The following HECTD2 variants were observed in gnomAD, a reference collection of about 807,000 sequenced individuals.
HECTD2 encodes HECT domain E3 ubiquitin protein ligase 2, also known as probable E3 ubiquitin-protein ligase HECTD2.
In HECTD2, 35 loss-of-function variants were observed where a neutral mutation model predicts 103.2. The observed-to-expected ratio is 0.34, with a 90% confidence interval of 0.26 to 0.45. HECTD2 has a LOEUF of 0.45. Ranked by LOEUF, HECTD2 falls within the 20% of genes least tolerant of loss-of-function variation. The probability of loss-of-function intolerance (pLI) is 1.00; values close to 1 mark genes in which losing one functional copy is unlikely to be tolerated. For missense variants in HECTD2, 596 were observed against 937.4 expected, an observed-to-expected ratio of 0.64 and a Z score of 4.76; for synonymous variants, 281 against 329.9, an observed-to-expected ratio of 0.85 and a Z score of 1.61.
chr10:91,484,100 A>G lies in HECTD2; in HGVS notation c.822-407A>G, dbSNP rs1778990068. On this transcript the variant is annotated intron_variant, in intron 8 of 20. Transcript: ENST00000298068. ...GTATTGAGCTAAAACAAGGCAGAACATCACTTTGACCTCAGCTGGAAATGT... is the reference window on the plus strand; with the variant it reads ...GTATTGAGCTAAAACAAGGCAGAACGTCACTTTGACCTCAGCTGGAAATGT... The G allele has an allele frequency of 1.5e-5, 7 of 461,372 alleles. No homozygotes were observed. The South Asian group carries it at 2.3e-4, about 15-fold the overall frequency. The allele number at this position is 461,372 out of a possible 1,614,324, so 28.6% of individuals were successfully genotyped here. A position where few individuals can be genotyped will look rare whatever the true frequency, so the allele number is the denominator to read the frequency against.
At chr10:91,434,791 G>A (rs77451747) in intron 2 of HECTD2, among the ~76,000 whole-genome samples, 13 of 151,928 alleles carry the variant, frequency 8.6e-5, no homozygotes, top group South Asian at 2.1e-4. Flanking sequence ...TTCTAGCTCC[G>A]TAACATACAA....
intron 2 of HECTD2, among the ~76,000 whole-genome samples, chr10:91,429,792 G>T (rs1232227763): frequency 7.2e-5 from 11 of 151,764 alleles, no homozygotes; most frequent in Non-Finnish European, 1.2e-4. Flanking sequence ...AGTCTTGCTA[G>T]CGGTCTATCA....
At position 91,512,564 on chromosome 10, in the gene HECTD2, AC is replaced by A. The variant is rs2133398998; in HGVS notation, c.*181del. 5.2e-6 allele frequency: 3 copies of A among 576,052 alleles called. No individual in the cohort carries two copies. The South Asian group carries it at 8.9e-5, about 17-fold the overall frequency. The allele number at this position is 576,052 out of a possible 1,614,324, so 35.7% of individuals were successfully genotyped here. ...AGCAAAGGCATAATTTTCTAAAAAC[AC>A]ACACAGAAATCGCTTGAGTGAGGAA... On this transcript the variant is annotated 3_prime_UTR_variant, in exon 21 of 21. Coordinates refer to ENST00000298068, the MANE Select transcript of HECTD2 (RefSeq NM_182765.6).
chr10:91,418,203 AC>A (rs1589455903), intron 1 of HECTD2, among the ~76,000 whole-genome samples: 1 of 152,080 alleles, frequency 6.6e-6, no homozygotes, highest in African/African-American at 2.4e-5. Flanking sequence ...AAAGAACAAG[AC>A]TCTTAATTGA....
chr10:91,500,401 A>T, intron 18 of HECTD2, 101 bp from the exon 19 acceptor site: 1 of 436,252 alleles, frequency 2.3e-6, no homozygotes, highest in Non-Finnish European at 4.3e-6. Context: ...ATTTACTATG[A>T]GAAATCATGA....
intron 3 of HECTD2, among the ~76,000 whole-genome samples, chr10:91,460,863 TAA>T (rs899478862): frequency 6.6e-6 from 1 of 152,104 alleles, no homozygotes; most frequent in African/African-American, 2.4e-5. Flanking sequence ...TTTTTAGAAA[TAA>T]GAGTTCATTT....
chr10:91,440,272 GTTT>G (rs1844349916), intron 2 of HECTD2, among the ~76,000 whole-genome samples: 1 of 152,128 alleles, frequency 6.6e-6, no homozygotes, highest in African/African-American at 2.4e-5. Context: ...TTTATTGAGA[GTTT>G]TTAGCATGAA....
rs1842859842 is a variant in HECTD2, at chr10:91,410,344, A to G, written c.-95A>G. The G allele has an allele frequency of 4.2e-6, 3 of 719,812 alleles. No homozygotes were observed. The highest frequency in any genetic ancestry group is 3.7e-6 in the Non-Finnish European group (2 of 547,514). 44.6% of individuals were successfully genotyped at this position (719,812 alleles called of 1,614,324 possible). A position where few individuals can be genotyped will look rare whatever the true frequency, so the allele number is the denominator to read the frequency against. ...CAGCGGCGGCTAGAAGCGGCAGCCC[A>G]GAGCCCTCTCGCGGCCGCGGCGGCA... On this transcript the variant is annotated 5_prime_UTR_variant, in exon 1 of 21. Transcript: ENST00000298068.
At chr10:91,437,555 T>A (rs1844171540) in intron 2 of HECTD2, among the ~76,000 whole-genome samples, 1 of 150,880 alleles carries the variant, frequency 6.6e-6, no homozygotes, top group African/African-American at 2.4e-5. Context: ...GGGGGGAGTA[T>A]AAAATAATGT....
intron 11 of HECTD2, chr10:91,488,519 A>C (rs1486893967): frequency 6.6e-6 from 1 of 152,176 alleles, no homozygotes; most frequent in Non-Finnish European, 1.5e-5. Context: ...TGCTTGTGTT[A>C]CATGATTGCT....
chr10:91,415,791 T>G (rs1339938709), intron 1 of HECTD2, among the ~76,000 whole-genome samples: 1 of 152,216 alleles, frequency 6.6e-6, no homozygotes, highest in Non-Finnish European at 1.5e-5. Flanking sequence ...TTACTAGAGA[T>G]AGAACAATCA....
chr10:91,498,821 G>A (rs890274744), intron 16 of HECTD2, 51 bp from the exon 17 acceptor site: 51 of 1,107,904 alleles, frequency 4.6e-5, no homozygotes, highest in Non-Finnish European at 6.5e-5. Context: ...GTTCACCAAA[G>A]TATGTTATTA....
At chr10:91,498,658 T>G (rs904081882) in intron 16 of HECTD2, among the ~76,000 whole-genome samples, 2 of 152,218 alleles carry the variant, frequency 1.3e-5, no homozygotes, top group African/African-American at 2.4e-5. Flanking sequence ...TTAACTGTAT[T>G]AGGCAGGGTT....
intron 14 of HECTD2, 151 bp from the exon 15 acceptor site, chr10:91,496,063 T>C: frequency 2.0e-6 from 1 of 489,484 alleles, no homozygotes. Flanking sequence ...AAAGGGGAAA[T>C]AAATGAAAGA....
intron 2 of HECTD2, among the ~76,000 whole-genome samples, chr10:91,429,109 G>A (rs1012108970): frequency 3.9e-5 from 6 of 151,908 alleles, no homozygotes; most frequent in Admixed American, 2.6e-4. Flanking sequence ...TTTTGTCAAA[G>A]GCCTTTTCTG....
rs1846302895 is a variant in HECTD2 at position 91,487,414 on chromosome 10, T to C, written c.1095-268T>C. On this transcript the variant is annotated intron_variant, in intron 10 of 20. Transcript: ENST00000298068. This position sits in a 1 kb window ranked among gnomAD's most constrained non-coding sequence, Gnocchi z 4.1. Reference sequence around the variant, plus strand: ...TGATGATATACAATGAAATTATTTGTATAGACAATGTAAGTGGTTAGCACA... The same window carrying C: ...TGATGATATACAATGAAATTATTTGCATAGACAATGTAAGTGGTTAGCACA... 2.4e-6 allele frequency: 1 copy of C among 417,368 alleles called. No individual in the cohort carries two copies. Among genetic ancestry groups the C allele is most frequent in the Non-Finnish European group, 4.5e-6 (1 of 222,872 alleles). 25.9% of individuals were successfully genotyped at this position (417,368 alleles called of 1,614,324 possible). A position where few individuals can be genotyped will look rare whatever the true frequency, so the allele number is the denominator to read the frequency against.
chr10:91,474,096 G>T (rs1430418572), intron 5 of HECTD2, among the ~76,000 whole-genome samples: 3 of 152,154 alleles, frequency 2.0e-5, no homozygotes, highest in African/African-American at 4.8e-5. Flanking sequence ...TCTAAAGAAA[G>T]AGTAGAATAT....
intron 5 of HECTD2, among the ~76,000 whole-genome samples, chr10:91,476,952 G>A (rs936359554): frequency 6.1e-5 from 9 of 148,532 alleles, no homozygotes; most frequent in African/African-American, 1.5e-4. Flanking sequence ...AGGCCGAGGC[G>A]GGTGGATCAT....
intron 2 of HECTD2, among the ~76,000 whole-genome samples, chr10:91,458,930 G>C (rs7087338): frequency 0.066 from 10,051 of 151,932 alleles, 886 homozygotes; most frequent in African/African-American, 0.2. Context: ...CTGTGCAGAG[G>C]ATGAAAAGAC....
Sources: allele counts gnomAD v4.1 joint callset (sites outside exome capture counted in the v4.1 genomes callset), GRCh38; gene constraint gnomAD v4.1.1; non-coding constraint Gnocchi (gnomAD v3.1); transcripts MANE v1.5; gene names NCBI Gene and HGNC (gene_info 2026-07-23, HGNC 2026-07-21).